Variants in DLGAP4 observed in about 807,000 individuals in gnomAD.
DLGAP4 encodes disks large-associated protein 4.
Under a neutral mutation model 86.9 loss-of-function variants are expected in DLGAP4, and 18 were observed. That is an observed-to-expected ratio of 0.21 (90% CI 0.14 to 0.31). The LOEUF is 0.31. DLGAP4 is among the 10% of genes least tolerant of loss of function. The pLI is 1.00. For synonymous variants in DLGAP4, 548 were observed against 574.3 expected (o/e 0.95, Z 0.65); for missense variants, 1,085 against 1,362.6 (o/e 0.80, Z 3.21).
chr20:36,500,651 G>A lies in DLGAP4; in HGVS notation c.2512+40G>A. 7.1e-7 allele frequency: 1 copy of A among 1,410,470 alleles called. No individual in the cohort carries two copies. The highest frequency in any genetic ancestry group is 9.3e-7 in the Non-Finnish European group (1 of 1,079,018). 87.4% of individuals were successfully genotyped at this position (1,410,470 alleles called of 1,614,324 possible). On this transcript the variant is annotated intron_variant, in intron 10 of 12. Coordinates refer to ENST00000339266, the MANE Select transcript of DLGAP4 (RefSeq NM_001365621.2). The surrounding 1 kb of genome is among the most constrained non-coding windows in gnomAD (Gnocchi z 4.6). ...GATGGTCCTTGGGCAAGGGTAGAAG[G>A]TGTTGGCAGCTGGTTTCAGCTGGTG...
At chr20:36,435,222 C>T (rs945502212) in intron 3 of DLGAP4, among the ~76,000 whole-genome samples, 5 of 152,196 alleles carry the variant, frequency 3.3e-5, no homozygotes, top group African/African-American at 1.2e-4. Flanking sequence ...GGCATGTTCA[C>T]TCTGTGCACA....
chr20:36,497,154 T>C, intron 8 of DLGAP4, 88 bp downstream of exon 8: 2 of 1,507,928 alleles, frequency 1.3e-6, no homozygotes, highest in East Asian at 4.6e-5. Flanking sequence ...CCACTAGGTC[T>C]CCTGGGAAAA....
chr20:36,343,652 A>G (rs2065407579), intron 1 of DLGAP4, among the ~76,000 whole-genome samples: 1 of 152,140 alleles, frequency 6.6e-6, no homozygotes, highest in Non-Finnish European at 1.5e-5. Context: ...GTGAATTTGA[A>G]CTATATCTGT....
At chr20:36,360,740 C>CAGAG (rs1431523665) in intron 1 of DLGAP4, among the ~76,000 whole-genome samples, 3 of 143,868 alleles carry the variant, frequency 2.1e-5, no homozygotes, top group African/African-American at 7.9e-5. Flanking sequence ...GGGGCCTGAG[C>CAGAG]AGAGCATGGG....
intron 7 of DLGAP4, among the ~76,000 whole-genome samples, chr20:36,481,775 T>C (rs142254135): frequency 1.3e-5 from 2 of 152,318 alleles, no homozygotes; most frequent in African/African-American, 4.8e-5. Context: ...CGATATCCCT[T>C]GCCTGGAATT....
At chr20:36,434,585 G>C (rs11906130) in intron 3 of DLGAP4, among the ~76,000 whole-genome samples, 1 of 152,180 alleles carries the variant, frequency 6.6e-6, no homozygotes, top group Non-Finnish European at 1.5e-5. Context: ...GGGTGGCTTA[G>C]CAACAGTTTC....
At chr20:36,497,156 C>T (rs1268134927) in intron 8 of DLGAP4, 90 bp downstream of exon 8, 10 of 1,508,772 alleles carry the variant, frequency 6.6e-6, no homozygotes, top group Non-Finnish European at 8.8e-6. Flanking sequence ...ACTAGGTCTC[C>T]TGGGAAAAGG....
Position 36,524,306 on chromosome 20 carries a change from T to C in DLGAP4, c.2569T>C (p.Phe857Leu), listed in dbSNP as rs2147866579. ...GSAQLLMSQKFQQFRGLCEQN... is the reference protein window; with the variant it reads ...GSAQLLMSQKLQQFRGLCEQN... ...TGCCCAGCTACTGATGTCCCAGAAA[T>C]TCCAGCAGTTCCGGGGCCTCTGTGA... The change falls in exon 11 of 13, where the codon TTC (phenylalanine) becomes CTC (leucine). Residue 857 changes from phenylalanine (F) to leucine (L), a missense_variant. By Grantham distance (22) the Phe-to-Leu change is conservative. This residue lies in a region of DLGAP4 where 1,082 missense variants were observed against 1,344.1 expected (regional missense o/e 0.81). Transcript: ENST00000339266. The C allele has an allele frequency of 6.2e-7, 1 of 1,614,024 alleles. No individual in the cohort carries two copies. The highest frequency in any genetic ancestry group is 8.5e-7 in the Non-Finnish European group (1 of 1,179,986).
At chr20:36,466,925 GCTCTCTCTCTCTCTCTCTCTGT>G (rs1188413429) in intron 7 of DLGAP4, among the ~76,000 whole-genome samples, 1 of 131,058 alleles carries the variant, frequency 7.6e-6, no homozygotes, top group Non-Finnish European at 1.6e-5. Flanking sequence ...TCTCGCTCTT[GCTCTCTCTCTCTCTCTCTCTGT>G]CTCTCTCTCT....
chr20:36,420,853 A>T (rs1266766565), intron 2 of DLGAP4, among the ~76,000 whole-genome samples: 1 of 152,134 alleles, frequency 6.6e-6, no homozygotes, highest in Non-Finnish European at 1.5e-5. Context: ...CATGCCTGTA[A>T]TCCCAGCTAC....
chr20:36,394,070 C>T (rs951649443), intron 2 of DLGAP4, among the ~76,000 whole-genome samples: 3 of 152,186 alleles, frequency 2.0e-5, no homozygotes, highest in Non-Finnish European at 4.4e-5. Context: ...CATGCTGTCC[C>T]CTGTGCCTGG....
intron 7 of DLGAP4, among the ~76,000 whole-genome samples, chr20:36,481,709 TGGA>T (rs2035194074): frequency 6.6e-6 from 1 of 152,076 alleles, no homozygotes; most frequent in Non-Finnish European, 1.5e-5. Flanking sequence ...TGGAATGGGG[TGGA>T]GTTGAGACTT....
rs537969761 is a variant in DLGAP4 at position 36,431,271 on chromosome 20, C to T, written c.-72-375C>T. Among the ~76,000 whole-genome samples the T allele has an allele frequency of 5.3e-4, 80 of 152,134 alleles. No individual in the cohort carries two copies. Among genetic ancestry groups the T allele is most frequent in the Non-Finnish European group, 9.3e-4 (63 of 68,006 alleles). ...GGGTATTTGCATCTATGTGGACCCTCGGGGTGAGGGACAGAGTCAGAAACG... is the reference window on the plus strand; with the variant it reads ...GGGTATTTGCATCTATGTGGACCCTTGGGGTGAGGGACAGAGTCAGAAACG... On this transcript the variant is annotated intron_variant, in intron 2 of 12. Coordinates refer to ENST00000339266, the MANE Select transcript of DLGAP4 (RefSeq NM_001365621.2). This position sits in a 1 kb window ranked among gnomAD's most constrained non-coding sequence, Gnocchi z 5.1.
chr20:36,436,380 C>A, intron 4 of DLGAP4, 30 bp downstream of exon 4: 1 of 1,556,210 alleles, frequency 6.4e-7, no homozygotes, highest in Non-Finnish European at 8.7e-7. Flanking sequence ...CTTACGGTCC[C>A]GCCCAGAGGC....
intron 7 of DLGAP4, among the ~76,000 whole-genome samples, chr20:36,473,738 C>T (rs1367477100): frequency 1.3e-5 from 2 of 152,174 alleles, no homozygotes; most frequent in African/African-American, 4.8e-5. Context: ...GTGTGAGCTA[C>T]CATGCCTGGC....
At chr20:36,497,145 C>T (rs1178299198) in intron 8 of DLGAP4, 79 bp downstream of exon 8, 1 of 1,512,618 alleles carries the variant, frequency 6.6e-7, no homozygotes, top group African/African-American at 1.4e-5. Flanking sequence ...GGTAGAGGCC[C>T]ACTAGGTCTC....
At chr20:36,402,110 C>T (rs1228616341) in intron 2 of DLGAP4, among the ~76,000 whole-genome samples, 1 of 152,206 alleles carries the variant, frequency 6.6e-6, no homozygotes, top group Non-Finnish European at 1.5e-5. Flanking sequence ...CAGGAAGACA[C>T]ATGTCATGCC....
chr20:36,494,438 G>A (rs1448719065), intron 7 of DLGAP4, among the ~76,000 whole-genome samples: 1 of 152,140 alleles, frequency 6.6e-6, no homozygotes, highest in East Asian at 1.9e-4. Context: ...TTTATTTTTA[G>A]ATAATTGTAG....
intron 7 of DLGAP4, among the ~76,000 whole-genome samples, chr20:36,495,771 G>C (rs1337292757): frequency 6.6e-6 from 1 of 152,220 alleles, no homozygotes; most frequent in African/African-American, 2.4e-5. Context: ...CCACTGTACG[G>C]GTTTCACATA....
Sources: gnomAD v4.1 joint callset for allele counts (sites outside exome capture counted in the v4.1 genomes callset) on GRCh38, gnomAD v4.1.1 for gene constraint, gnomAD v4.1.1 regional missense constraint, Gnocchi (gnomAD v3.1) non-coding constraint, MANE v1.5 for transcripts, NCBI Gene and HGNC (gene_info 2026-07-23, HGNC 2026-07-21) for gene names.